Variants in POU6F2 observed in about 807,000 individuals in gnomAD.
POU6F2 encodes POU domain, class 6, transcription factor 2.
Under a neutral mutation model 71.3 loss-of-function variants are expected in POU6F2, and 31 were observed. The ratio of observed to expected loss-of-function variants is 0.43; its 90% CI spans 0.33 to 0.59. POU6F2 has a LOEUF of 0.59. Among genes scored for constraint, POU6F2 ranks in the 20% least tolerant of loss-of-function variants. The pLI is 0.04. For missense variants in POU6F2, 783 were observed against 856.8 expected (o/e 0.91, Z 1.07); for synonymous variants, 347 against 355.7 (o/e 0.98, Z 0.27).
At chr7:39,264,811 C>T (rs999564620) in intron 4 of POU6F2, among the ~76,000 whole-genome samples, 2 of 151,984 alleles carry the variant, frequency 1.3e-5, no homozygotes, top group African/African-American at 4.8e-5. Flanking sequence ...TATATATACA[C>T]ATATGTATGT....
At chr7:39,455,729 C>A (rs10273545) in intron 8 of POU6F2, among the ~76,000 whole-genome samples, 43,853 of 150,146 alleles carry the variant, frequency 0.29, 6,756 homozygotes, top group East Asian at 0.52. Context: ...TTTAAAAAAA[C>A]AAACAAACAG....
At chr7:39,125,732 A>G (rs868349395) in intron 2 of POU6F2, among the ~76,000 whole-genome samples, 1 of 146,860 alleles carries the variant, frequency 6.8e-6, no homozygotes, top group East Asian at 1.9e-4. Context: ...ATACTTTTGC[A>G]TATACATTTG....
intron 1 of POU6F2, among the ~76,000 whole-genome samples, chr7:38,980,616 A>G (rs944442846): frequency 8.5e-5 from 13 of 152,186 alleles, no homozygotes; most frequent in Admixed American, 5.2e-4. Context: ...TCTTATATCT[A>G]CTCAGCAGGT....
intron 8 of POU6F2, among the ~76,000 whole-genome samples, chr7:39,457,545 C>G (rs965883635): frequency 6.6e-6 from 1 of 152,134 alleles, no homozygotes; most frequent in Non-Finnish European, 1.5e-5. Flanking sequence ...GTGAAGCCTG[C>G]TGAATAATGG....
At chr7:39,375,851 G>C (rs1786700749) in intron 5 of POU6F2, among the ~76,000 whole-genome samples, 1 of 152,062 alleles carries the variant, frequency 6.6e-6, no homozygotes, top group African/African-American at 2.4e-5. Context: ...GCAATTTGGG[G>C]GTGGAGTTTT....
At chr7:39,380,262 C>T (rs1258860433) in intron 5 of POU6F2, among the ~76,000 whole-genome samples, 1 of 152,178 alleles carries the variant, frequency 6.6e-6, no homozygotes, top group Non-Finnish European at 1.5e-5. Context: ...CAGCTACTCC[C>T]AGGCCTCTTG....
chr7:39,438,269 C>A (rs1788299483), intron 7 of POU6F2, among the ~76,000 whole-genome samples: 1 of 152,224 alleles, frequency 6.6e-6, no homozygotes, highest in African/African-American at 2.4e-5. Flanking sequence ...CTACAAAGGA[C>A]ATGAACTCAT....
In POU6F2 at chr7:39,199,297, C is replaced by T. The variant is rs73367209; in HGVS notation, c.278-4938C>T. ...ATCCTCTTTGCAAAGGGTAAGGCTC[C>T]AGAAAGGAGTATATACTCTCGGGAT... On this transcript the variant is annotated intron_variant, in intron 2 of 9. Transcript: ENST00000518318. 7.7e-3 allele frequency among the ~76,000 whole-genome samples: 1,173 copies of T among 152,208 alleles called. 9 individuals are homozygous for T. Among genetic ancestry groups the T allele is most frequent in the African/African-American group, 0.027 (1,129 of 41,524 alleles).
chr7:39,118,428 C>T (rs904222363), intron 2 of POU6F2, among the ~76,000 whole-genome samples: 44 of 151,860 alleles, frequency 2.9e-4, no homozygotes, highest in African/African-American at 9.9e-4. Context: ...AAAAAATCCC[C>T]TCAACAACAT....
intron 1 of POU6F2, among the ~76,000 whole-genome samples, chr7:39,048,018 G>A (rs942175039): frequency 5.3e-5 from 8 of 151,728 alleles, no homozygotes; most frequent in East Asian, 3.9e-4. Flanking sequence ...AATAGGCCTC[G>A]TAGAATGATT....
intron 2 of POU6F2, among the ~76,000 whole-genome samples, chr7:39,109,198 G>T (rs987048584): frequency 2.6e-5 from 4 of 151,976 alleles, no homozygotes; most frequent in Admixed American, 2.6e-4. Context: ...GACATGTGCT[G>T]CCACTGCATC....
intron 4 of POU6F2, among the ~76,000 whole-genome samples, chr7:39,239,159 G>T (rs1030672059): frequency 6.6e-5 from 10 of 152,144 alleles, no homozygotes; most frequent in African/African-American, 2.4e-4. Flanking sequence ...AAGACAGAGA[G>T]ACAGAGAAGA....
At chr7:39,143,226 G>A (rs923153647) in intron 2 of POU6F2, among the ~76,000 whole-genome samples, 2 of 152,346 alleles carry the variant, frequency 1.3e-5, no homozygotes, top group African/African-American at 2.4e-5. Context: ...AAAAGAGGCT[G>A]CCAAAGGACC....
intron 6 of POU6F2, among the ~76,000 whole-genome samples, chr7:39,431,027 G>T (rs1245439390): frequency 6.6e-6 from 1 of 152,168 alleles, no homozygotes; most frequent in African/African-American, 2.4e-5. Context: ...GCTGTTTAAT[G>T]CAAGACCACT....
intron 4 of POU6F2, among the ~76,000 whole-genome samples, chr7:39,330,772 G>A (rs1019809717): frequency 6.6e-6 from 1 of 152,082 alleles, no homozygotes; most frequent in Non-Finnish European, 1.5e-5. Flanking sequence ...TATCTATGTT[G>A]TATTCATTAT....
chr7:39,084,420 A>T (rs1791192278), intron 1 of POU6F2, among the ~76,000 whole-genome samples: 1 of 152,190 alleles, frequency 6.6e-6, no homozygotes, highest in Admixed American at 6.5e-5. Context: ...TGGACCTATC[A>T]AGGTATTCAA....
At chr7:39,045,365 A>G (rs1790271031) in intron 1 of POU6F2, among the ~76,000 whole-genome samples, 1 of 151,782 alleles carries the variant, frequency 6.6e-6, no homozygotes, top group South Asian at 2.1e-4. Flanking sequence ...GTGTGAGGGG[A>G]GGGGTTTCCA....
chr7:39,173,357 A>G (rs976792560), intron 2 of POU6F2, among the ~76,000 whole-genome samples: 1 of 152,204 alleles, frequency 6.6e-6, no homozygotes, highest in African/African-American at 2.4e-5. Context: ...AACCTCAGGC[A>G]AGTTACTTAA....
intron 5 of POU6F2, among the ~76,000 whole-genome samples, chr7:39,343,623 T>G (rs1480745304): frequency 4.6e-5 from 7 of 152,114 alleles, no homozygotes; most frequent in Non-Finnish European, 1.0e-4. Flanking sequence ...GGTCTGGAGA[T>G]ATGCTGGGCA....
Sources: allele counts gnomAD v4.1 joint callset (sites outside exome capture counted in the v4.1 genomes callset), GRCh38; gene constraint gnomAD v4.1.1; transcripts MANE v1.5; gene names NCBI Gene and HGNC (gene_info 2026-07-23, HGNC 2026-07-21).